The following TNFAIP8 variants were observed in gnomAD, a reference collection of about 807,000 sequenced individuals.
The protein encoded by TNFAIP8 is tumor necrosis factor alpha-induced protein 8.
TNFAIP8 carries 7 observed loss-of-function variants against 13.3 expected under a neutral mutation model. The ratio of observed to expected loss-of-function variants is 0.52; its 90% CI spans 0.30 to 0.99. TNFAIP8 has a LOEUF of 0.99. TNFAIP8 is among the 50% of genes least tolerant of loss of function. The probability of loss-of-function intolerance (pLI) is 0.07; values close to 1 mark genes in which losing one functional copy is unlikely to be tolerated. For synonymous variants in TNFAIP8, 94 were observed against 87.6 expected (o/e 1.07, Z -0.41); for missense variants, 258 against 236.9 (o/e 1.09, Z -0.58).
chr5:119,370,109 T>G (rs1752017278), intron 1 of TNFAIP8, among the ~76,000 whole-genome samples: 1 of 152,236 alleles, frequency 6.6e-6, no homozygotes, highest in African/African-American at 2.4e-5. Flanking sequence ...TTTATTGTTT[T>G]TTAAATGGAT....
At chr5:119,370,449 GATAA>G (rs1307417683) in intron 1 of TNFAIP8, among the ~76,000 whole-genome samples, 1 of 152,194 alleles carries the variant, frequency 6.6e-6, no homozygotes, top group Non-Finnish European at 1.5e-5. Flanking sequence ...GAAGTTAAAA[GATAA>G]ATAGACTTTA....
intron 1 of TNFAIP8, among the ~76,000 whole-genome samples, chr5:119,380,332 G>T (rs1752442087): frequency 6.6e-6 from 1 of 152,240 alleles, no homozygotes; most frequent in Non-Finnish European, 1.5e-5. Flanking sequence ...TGCCAGCTGT[G>T]GGTCTGGTTC....
At chr5:119,388,893 C>G (rs911973787) in intron 1 of TNFAIP8, among the ~76,000 whole-genome samples, 4 of 151,978 alleles carry the variant, frequency 2.6e-5, no homozygotes, top group Admixed American at 2.0e-4. Context: ...ATCCTCCCAC[C>G]TTATCCTCCT....
chr5:119,305,327 A>G (rs1025780423), intron 1 of TNFAIP8, among the ~76,000 whole-genome samples: 1 of 152,212 alleles, frequency 6.6e-6, no homozygotes, highest in Admixed American at 6.5e-5. Context: ...GAGGAGATGA[A>G]ATTTCCAAAT....
intron 1 of TNFAIP8, among the ~76,000 whole-genome samples, chr5:119,383,663 T>C (rs1172250277): frequency 6.6e-6 from 1 of 152,196 alleles, no homozygotes; most frequent in Non-Finnish European, 1.5e-5. Flanking sequence ...TGTATTTGCT[T>C]AGTTATGCAG....
chr5:119,393,208 A>G lies in TNFAIP8; in HGVS notation c.424A>G (p.Ile142Val). ...TGAATGCAGAGAGATGCTGCACCAA[A>G]TCATTCAGCGCCACCTCACTGCCAA... ...LNECREMLHQ[I>V]IQRHLTAKSH... The change falls in exon 2 of 2, where the codon ATC becomes GTC. Residue 142 changes from isoleucine to valine, a missense_variant. Coordinates refer to ENST00000504771, the MANE Select transcript of TNFAIP8 (RefSeq NM_014350.4). 1 of 1,613,978 alleles carries G rather than the reference A, an allele frequency of 6.2e-7. No homozygotes were observed. Among genetic ancestry groups the G allele is most frequent in the Non-Finnish European group, 8.5e-7 (1 of 1,179,882 alleles).
At chr5:119,344,207 G>C (rs1338849509) in intron 1 of TNFAIP8, among the ~76,000 whole-genome samples, 3 of 152,214 alleles carry the variant, frequency 2.0e-5, no homozygotes, top group Non-Finnish European at 4.4e-5. Context: ...AGTTTCTGTT[G>C]AGGCTTCAGG....
chr5:119,356,083 C>T lies in TNFAIP8; in HGVS notation c.-8C>T, dbSNP rs1751396463. The T allele has an allele frequency of 2.5e-6, 4 of 1,585,472 alleles. No individual in the cohort carries two copies. The highest frequency in any genetic ancestry group is 2.6e-6 in the Non-Finnish European group (3 of 1,164,714). ...GTAATCGCCCCTGCAGCTGGTTATC[C>T]TGACATTATGCACTCCGAAGCAGAA... is the stretch of plus-strand genomic sequence containing the variant. On this transcript the variant is annotated 5_prime_UTR_variant, in exon 1 of 2. Coordinates refer to ENST00000504771, the MANE Select transcript of TNFAIP8 (RefSeq NM_014350.4).
upstream of TNFAIP8, chr5:119,355,179 A>G (rs1581636495): frequency 1.5e-6 from 1 of 654,260 alleles, no homozygotes; most frequent in East Asian, 2.7e-5. Context: ...TTATTCTATC[A>G]GCATTTCAAA....
chr5:119,269,324 C>T (rs796129066), intron 1 of TNFAIP8, among the ~76,000 whole-genome samples: 42 of 152,286 alleles, frequency 2.8e-4, no homozygotes, highest in African/African-American at 8.4e-4. Flanking sequence ...CCCCAGATTG[C>T]AGACTGAGAT....
chr5:119,279,468 G>A (rs1319453593), intron 1 of TNFAIP8, among the ~76,000 whole-genome samples: 1 of 152,206 alleles, frequency 6.6e-6, no homozygotes, highest in Non-Finnish European at 1.5e-5. Context: ...CTCATGGAGT[G>A]TGAGATGTGT....
chr5:119,338,193 CA>C (rs1265017308), intron 1 of TNFAIP8, among the ~76,000 whole-genome samples: 12 of 151,082 alleles, frequency 7.9e-5, no homozygotes, highest in African/African-American at 2.9e-4. Context: ...CACACACACA[CA>C]CACACACACA....
intron 1 of TNFAIP8, among the ~76,000 whole-genome samples, chr5:119,391,685 G>A (rs1042526366): frequency 9.2e-5 from 14 of 151,852 alleles, no homozygotes; most frequent in African/African-American, 3.4e-4. Context: ...CTTGAACCCG[G>A]GAGGTGGAGG....
chr5:119,319,021 T>C (rs1312388282), intron 1 of TNFAIP8, among the ~76,000 whole-genome samples: 1 of 152,206 alleles, frequency 6.6e-6, no homozygotes, highest in Non-Finnish European at 1.5e-5. Flanking sequence ...CTTCATTGAA[T>C]ATTAGCAGTG....
At chr5:119,333,462 T>G in intron 1 of TNFAIP8, 4 of 1,417,752 alleles carry the variant, frequency 2.8e-6, no homozygotes, top group Non-Finnish European at 3.7e-6. Flanking sequence ...ATAGTATAAA[T>G]TATTTTGAAT....
rs184528848 is a variant in TNFAIP8 at position 119,369,040 on chromosome 5, C to A, written c.31+12919C>A. On this transcript the variant is annotated intron_variant, in intron 1 of 1. Coordinates refer to ENST00000504771, the MANE Select transcript of TNFAIP8 (RefSeq NM_014350.4). ...GAACTGTTAACATAAGCCAAACTTT[C>A]TTTTCTTTTCTTTTCTTTTTTTTTT... 6.1e-5 allele frequency among the ~76,000 whole-genome samples: 9 copies of A among 147,330 alleles called. No individual in the cohort carries two copies. In the East Asian group the frequency reaches 1.6e-3, roughly 26 times the overall value.
intron 1 of TNFAIP8, among the ~76,000 whole-genome samples, chr5:119,303,356 T>A (rs903602692): frequency 3.9e-5 from 6 of 152,228 alleles, no homozygotes; most frequent in Non-Finnish European, 7.3e-5. Flanking sequence ...CAACATGTTA[T>A]GCAGAAGGTG....
At chr5:119,315,469 C>T (rs918313981) in intron 1 of TNFAIP8, among the ~76,000 whole-genome samples, 10 of 147,206 alleles carry the variant, frequency 6.8e-5, no homozygotes, top group Admixed American at 2.6e-4. Context: ...TTACTTTTTT[C>T]TTATCAAAAA....
At chr5:119,327,343 A>G (rs988793039) in intron 1 of TNFAIP8, among the ~76,000 whole-genome samples, 1 of 152,232 alleles carries the variant, frequency 6.6e-6, no homozygotes, top group Admixed American at 6.5e-5. Context: ...TTTCCCCACA[A>G]ACATTCAAAA....
Sources: allele counts gnomAD v4.1 joint callset (sites outside exome capture counted in the v4.1 genomes callset), GRCh38; gene constraint gnomAD v4.1.1; transcripts MANE v1.5; gene names NCBI Gene and HGNC (gene_info 2026-07-23, HGNC 2026-07-21).